Variants in WDR4 observed in about 807,000 individuals in gnomAD.
WDR4 encodes the protein WDR4 tRNA N7-guanosine methyltransferase non-catalytic subunit, also known as tRNA (guanine-N(7)-)-methyltransferase non-catalytic subunit WDR4.
Under a neutral mutation model 48.6 loss-of-function variants are expected in WDR4, and 47 were observed. The ratio of observed to expected loss-of-function variants is 0.97; its 90% CI spans 0.77 to 1.23. WDR4 has a LOEUF of 1.23. WDR4 is among the 50% of genes most tolerant of loss of function. The pLI, the probability that WDR4 is intolerant of heterozygous loss-of-function variation, is 0.00. For synonymous variants in WDR4, 268 were observed against 230.0 expected, an observed-to-expected ratio of 1.17 and a Z score of -1.49; for missense variants, 606 against 551.6, an observed-to-expected ratio of 1.10 and a Z score of -0.99.
At chr21:42,852,710 G>A (rs1262478306) in intron 9 of WDR4, among the ~76,000 whole-genome samples, 1 of 152,220 alleles carries the variant, frequency 6.6e-6, no homozygotes, top group Admixed American at 6.5e-5. Flanking sequence ...GAGGGTGGGA[G>A]TTCAAGACCA....
At chr21:42,852,088 G>A (rs868604630) in intron 10 of WDR4, among the ~76,000 whole-genome samples, 167 bp downstream of exon 10, 3 of 152,180 alleles carry the variant, frequency 2.0e-5, no homozygotes, top group Admixed American at 1.3e-4. Flanking sequence ...TCTGCTGTGC[G>A]TCACCCACCT....
intron 1 of WDR4, among the ~76,000 whole-genome samples, chr21:42,878,443 T>A (rs2058550674): frequency 6.6e-6 from 1 of 152,228 alleles, no homozygotes; most frequent in African/African-American, 2.4e-5. Flanking sequence ...TATTAGACCG[T>A]GAGTCTCTAA....
At chr21:42,872,883 G>C (rs1160665600) in intron 3 of WDR4, among the ~76,000 whole-genome samples, 2 of 152,144 alleles carry the variant, frequency 1.3e-5, no homozygotes, top group Non-Finnish European at 2.9e-5. Flanking sequence ...GTTGCGATGA[G>C]CAAAGATCGC....
At chr21:42,880,038 A>G (rs1337541881), upstream of WDR4, among the ~76,000 whole-genome samples, 2 of 151,796 alleles carry the variant, frequency 1.3e-5, no homozygotes, top group Admixed American at 6.6e-5. Flanking sequence ...GCTGAGACAG[A>G]AGAATTGCCT....
chr21:42,873,004 C>T (rs1224392821), intron 3 of WDR4, among the ~76,000 whole-genome samples: 1 of 152,216 alleles, frequency 6.6e-6, no homozygotes, highest in Non-Finnish European at 1.5e-5. Context: ...AGTAAGAGGG[C>T]AAGGCATAGC....
intron 7 of WDR4, 149 bp downstream of exon 7, chr21:42,855,533 A>T (rs2057964148): frequency 1.6e-6 from 1 of 611,352 alleles, no homozygotes; most frequent in Admixed American, 3.0e-5. Flanking sequence ...CCACCTTCAG[A>T]ATTTGAAATA....
At chr21:42,875,240 G>A (rs929315530) in intron 2 of WDR4, among the ~76,000 whole-genome samples, 3 of 152,108 alleles carry the variant, frequency 2.0e-5, no homozygotes, top group Middle Eastern at 3.4e-3. Flanking sequence ...GCGAAACCAC[G>A]TCTCTACAAA....
At chr21:42,889,669 A>C in the WDR4 span, among the ~76,000 whole-genome samples, 1 of 152,100 alleles carries the variant, frequency 6.6e-6, no homozygotes, top group African/African-American at 2.4e-5. Context: ...TTACTTGATT[A>C]TATGGTCATT....
At chr21:42,864,684 C>T (rs13048885) in intron 3 of WDR4, among the ~76,000 whole-genome samples, 98,825 of 152,226 alleles carry the variant, frequency 0.65, 34,000 homozygotes, top group African/African-American at 0.88. Context: ...ACTGCTTCAG[C>T]AAGAACCAAA....
chr21:42,855,347 G>A (rs28567463), intron 7 of WDR4, among the ~76,000 whole-genome samples: 27,646 of 152,072 alleles, frequency 0.18, 3,291 homozygotes, highest in African/African-American at 0.34. Flanking sequence ...CAAGCTGGCC[G>A]GAGAATGCTG....
chr21:42,881,686 C>A (rs2058612157), upstream of WDR4, among the ~76,000 whole-genome samples: 2 of 152,208 alleles, frequency 1.3e-5, no homozygotes, highest in Non-Finnish European at 2.9e-5. Context: ...GACTTCTAGT[C>A]CAAAGCTAAT....
At chr21:42,847,019 C>T (rs2057716536), downstream of WDR4, among the ~76,000 whole-genome samples, 1 of 135,032 alleles carries the variant, frequency 7.4e-6, no homozygotes, top group South Asian at 2.5e-4. Context: ...GCCTGGGCAA[C>T]AGAGCGAGAC....
chr21:42,874,961 C>A (rs1037750045), intron 2 of WDR4, among the ~76,000 whole-genome samples: 2 of 152,156 alleles, frequency 1.3e-5, no homozygotes, highest in Non-Finnish European at 2.9e-5. Context: ...CTAATAAAAA[C>A]TTGCTGGTTT....
intron 6 of WDR4, among the ~76,000 whole-genome samples, chr21:42,856,732 T>A (rs1168678325): frequency 6.6e-6 from 1 of 152,078 alleles, no homozygotes; most frequent in East Asian, 1.9e-4. Flanking sequence ...ATGCATATCC[T>A]CTGGGTGCCG....
the WDR4 span, among the ~76,000 whole-genome samples, chr21:42,891,872 G>T: frequency 2.0e-5 from 3 of 151,664 alleles, no homozygotes; most frequent in African/African-American, 7.3e-5. Context: ...GAGGAGAATC[G>T]CTTGAACCTA....
At chr21:42,879,295 CG>C in intron 1 of WDR4, 111 bp downstream of exon 1, 1 of 1,453,488 alleles carries the variant, frequency 6.9e-7, no homozygotes. Context: ...CGGAGTTCCC[CG>C]GGGTCACCCC....
At chr21:42,852,714 A>G (rs1300288857) in intron 9 of WDR4, among the ~76,000 whole-genome samples, 2 of 152,166 alleles carry the variant, frequency 1.3e-5, no homozygotes, top group East Asian at 1.9e-4. Flanking sequence ...GTGGGAGTTC[A>G]AGACCAGCCT....
chr21:42,860,596 G>C (rs2058091234), intron 5 of WDR4, among the ~76,000 whole-genome samples: 1 of 152,214 alleles, frequency 6.6e-6, no homozygotes, highest in Non-Finnish European at 1.5e-5. Context: ...GCCGGGCCCG[G>C]TCCCGCAGCC....
chr21:42,861,360 G>A (rs2058113195), intron 5 of WDR4, among the ~76,000 whole-genome samples: 1 of 150,566 alleles, frequency 6.6e-6, no homozygotes, highest in Non-Finnish European at 1.5e-5. Flanking sequence ...GGGAAGGAAG[G>A]GAGGGAGGGA....
Sources: gnomAD v4.1 joint callset for allele counts (sites outside exome capture counted in the v4.1 genomes callset) on GRCh38, gnomAD v4.1.1 for gene constraint, MANE v1.5 for transcripts, NCBI Gene and HGNC (gene_info 2026-07-23, HGNC 2026-07-21) for gene names.